The following ZNF827 variants were observed in gnomAD, a reference collection of about 807,000 sequenced individuals.
ZNF827 encodes the protein zinc finger protein 827.
ZNF827 carries 13 observed loss-of-function variants against 102.4 expected under a neutral mutation model. The observed-to-expected ratio is 0.13, with a 90% CI of 0.08 to 0.20. The LOEUF (loss-of-function observed/expected upper bound fraction) is 0.20, where lower values mean the gene tolerates loss of function less well. ZNF827 is among the 10% of genes least tolerant of loss of function. ZNF827 has a pLI of 1.00. For synonymous variants in ZNF827, 523 were observed against 536.2 expected (o/e 0.98, Z 0.34); for missense variants, 1,103 against 1,344.4 (o/e 0.82, Z 2.81).
At chr4:145,896,947 GA>G (rs200250237) in intron 2 of ZNF827, among the ~76,000 whole-genome samples, 1 of 151,430 alleles carries the variant, frequency 6.6e-6, no homozygotes, top group African/African-American at 2.4e-5. Context: ...TCAAAAATTG[GA>G]AAAAAAAGAG....
chr4:145,848,406 G>C (rs1746189846), intron 6 of ZNF827, among the ~76,000 whole-genome samples: 1 of 152,198 alleles, frequency 6.6e-6, no homozygotes, highest in Non-Finnish European at 1.5e-5. Flanking sequence ...ACAGATTTTA[G>C]CTTTTTTTCT....
At chr4:145,825,965 C>T (rs1026713426) in intron 7 of ZNF827, among the ~76,000 whole-genome samples, 2 of 152,310 alleles carry the variant, frequency 1.3e-5, no homozygotes, top group East Asian at 3.9e-4. Flanking sequence ...ATGTTTCTAT[C>T]GGGCAAAGAA....
intron 11 of ZNF827, among the ~76,000 whole-genome samples, chr4:145,771,362 A>G (rs1736252180): frequency 6.6e-6 from 1 of 152,170 alleles, no homozygotes; most frequent in Non-Finnish European, 1.5e-5. Flanking sequence ...TATTTTCTTC[A>G]GGCTTTTCTA....
At chr4:145,919,987 T>A (rs138277494) in intron 1 of ZNF827, among the ~76,000 whole-genome samples, 21 of 152,354 alleles carry the variant, frequency 1.4e-4, no homozygotes, top group African/African-American at 4.8e-4. Flanking sequence ...TAGGCCCACC[T>A]GAAGTCTACA....
Position 145,761,590 on chromosome 4 carries a change from A to T in ZNF827, c.*26T>A. On this transcript the variant is annotated 3_prime_UTR_variant, in exon 15 of 15. Transcript: ENST00000508784. The surrounding 1 kb of genome is among the most constrained non-coding windows in gnomAD (Gnocchi z 6.8). ...GGGGCGGTTGGTGGAATAAATGCAG[A>T]ATGGGCACCTGCCGGGGAAAGCAAC... The T allele has an allele frequency of 5.5e-6, 7 of 1,262,192 alleles. No individual in the cohort carries two copies. Among genetic ancestry groups the T allele is most frequent in the African/African-American group, 1.5e-5 (1 of 65,560 alleles). The allele number at this position is 1,262,192 out of a possible 1,614,324, so 78.2% of individuals were successfully genotyped here.
At chr4:145,930,224 T>C (rs1231602492) in intron 1 of ZNF827, among the ~76,000 whole-genome samples, 4 of 152,356 alleles carry the variant, frequency 2.6e-5, no homozygotes, top group African/African-American at 9.6e-5. Flanking sequence ...ACAAGCACAG[T>C]AGCTTGTTTC....
Position 145,775,860 on chromosome 4 carries a change from T to C in ZNF827, c.2622A>G (p.Thr874=), listed in dbSNP as rs1327519929. 6.2e-7 allele frequency: 1 copy of C among 1,614,194 alleles called. No homozygotes were observed. The highest frequency in any genetic ancestry group is 1.3e-5 in the African/African-American group (1 of 75,046). Residue 874 remains threonine, a synonymous_variant, in exon 10 of 15, where the codon ACA becomes ACG. Transcript: ENST00000508784. ...CGGCGCTGACAATGTCCTCGGTGTC[T>C]GTACTCACCAGCTTCACGGAATGGA... ...LTVHSVKLVS[T]DTEDIVSAVT...
In ZNF827 at chr4:145,902,199, G is replaced by A; in HGVS notation, c.1060C>T (p.Pro354Ser). ...GAGGGTTTAGAAACTCTTCCCTTAGGAACTGGGAGTAATAATAATTCCAGG... is the reference window on the plus strand; with the variant it reads ...GAGGGTTTAGAAACTCTTCCCTTAGAAACTGGGAGTAATAATAATTCCAGG... The part of the protein sequence containing the change: ...QSLELLLLPV[P>S]KGRVSKPSNS... Residue 354 changes from proline (P) to serine (S), a missense_variant, in exon 2 of 15, where the codon CCT (proline) becomes TCT (serine). This residue lies in a region of ZNF827 where 441 missense variants were observed against 458.6 expected (regional missense o/e 0.96). Transcript: ENST00000508784. The surrounding 1 kb of genome is among the most constrained non-coding windows in gnomAD (Gnocchi z 4.3). 1 of 1,596,230 alleles carries A rather than the reference G, an allele frequency of 6.3e-7. No homozygotes were observed. The highest frequency in any genetic ancestry group is 8.5e-7 in the Non-Finnish European group (1 of 1,171,748).
chr4:145,937,988 CAAACCCCCGATA>C (rs1167387574), intron 1 of ZNF827, among the ~76,000 whole-genome samples: 1 of 149,108 alleles, frequency 6.7e-6, no homozygotes, highest in Non-Finnish European at 1.5e-5. Flanking sequence ...CTCCCCCCAC[CAAACCCCCGATA>C]AAACCCCCGG....
intron 8 of ZNF827, among the ~76,000 whole-genome samples, chr4:145,802,128 A>G (rs1318583018): frequency 1.3e-5 from 2 of 152,204 alleles, no homozygotes; most frequent in East Asian, 3.8e-4. Context: ...TAAGAGCTCT[A>G]AGAGTTCAAT....
intron 8 of ZNF827, among the ~76,000 whole-genome samples, chr4:145,804,770 A>T (rs1202120017): frequency 1.3e-5 from 2 of 152,210 alleles, no homozygotes; most frequent in Non-Finnish European, 2.9e-5. Flanking sequence ...TACTATTTCC[A>T]TGAGTGGGGA....
intron 8 of ZNF827, among the ~76,000 whole-genome samples, chr4:145,791,962 T>C (rs1230063696): frequency 2.6e-5 from 4 of 152,108 alleles, no homozygotes; most frequent in African/African-American, 9.7e-5. Flanking sequence ...GCTTCCCTTA[T>C]ACTGCACACA....
chr4:145,911,858 G>C (rs1252706259), intron 1 of ZNF827, among the ~76,000 whole-genome samples: 10 of 152,178 alleles, frequency 6.6e-5, no homozygotes, highest in Admixed American at 6.5e-4. Flanking sequence ...ATAAACATTT[G>C]TTGAATGAAT....
At chr4:145,922,822 G>A (rs1332684524) in intron 1 of ZNF827, among the ~76,000 whole-genome samples, 2 of 152,136 alleles carry the variant, frequency 1.3e-5, no homozygotes, top group Admixed American at 1.3e-4. Context: ...AAGTAAGACT[G>A]ATACTTCAAG....
At chr4:145,772,613 A>G (rs990711001) in intron 11 of ZNF827, among the ~76,000 whole-genome samples, 2 of 152,228 alleles carry the variant, frequency 1.3e-5, no homozygotes, top group Non-Finnish European at 2.9e-5. Context: ...GTTGAGTAGT[A>G]GTGACAGAAA....
intron 9 of ZNF827, among the ~76,000 whole-genome samples, chr4:145,776,633 A>G (rs992494490): frequency 2.6e-5 from 4 of 151,976 alleles, no homozygotes; most frequent in African/African-American, 9.7e-5. Context: ...TGTGTACCCC[A>G]TGTGTCAGTC....
At position 145,850,967 on chromosome 4, in the gene ZNF827, T is replaced by G. The variant is rs145568955; in HGVS notation, c.1982-1406A>C. The stretch of plus-strand genomic sequence containing the variant: ...AATCATCCTGGATTATCTAGGTGGG[T>G]CCCAAATCCAATGACAAGTGTCCTA... On this transcript the variant is annotated intron_variant, in intron 5 of 14. Coordinates refer to ENST00000508784, the MANE Select transcript of ZNF827 (RefSeq NM_001306215.2). 7.9e-5 allele frequency among the ~76,000 whole-genome samples: 12 copies of G among 152,154 alleles called. No individual in the cohort carries two copies. In the East Asian group the frequency reaches 2.3e-3, roughly 29 times the overall value.
At chr4:145,853,206 T>C (rs1205350457) in intron 5 of ZNF827, among the ~76,000 whole-genome samples, 1 of 152,176 alleles carries the variant, frequency 6.6e-6, no homozygotes, top group East Asian at 1.9e-4. Flanking sequence ...CATACCTCAT[T>C]TGGTCCCCAG....
chr4:145,923,024 G>A (rs1300282960), intron 1 of ZNF827, among the ~76,000 whole-genome samples: 1 of 151,884 alleles, frequency 6.6e-6, no homozygotes, highest in Non-Finnish European at 1.5e-5. Context: ...TCAACATTTG[G>A]TAGATCTACA....
Sources: allele counts gnomAD v4.1 joint callset (sites outside exome capture counted in the v4.1 genomes callset), GRCh38; gene constraint gnomAD v4.1.1; regional missense constraint gnomAD v4.1.1; non-coding constraint Gnocchi (gnomAD v3.1); transcripts MANE v1.5; gene names NCBI Gene and HGNC (gene_info 2026-07-23, HGNC 2026-07-21).